PGD: variants seen among roughly 807,000 people sequenced by gnomAD.
PGD encodes phosphogluconate dehydrogenase, also known as 6-phosphogluconate dehydrogenase, decarboxylating.
A neutral mutation model predicts 60.4 loss-of-function variants in PGD; 21 were observed. The observed-to-expected ratio is 0.35, with a 90% CI of 0.25 to 0.50. The LOEUF (loss-of-function observed/expected upper bound fraction) is 0.50, where lower values mean the gene tolerates loss of function less well. Ranked by LOEUF, PGD falls within the 20% of genes least tolerant of loss-of-function variation. PGD has a pLI of 0.98. For synonymous variants in PGD, 230 were observed against 235.9 expected (o/e 0.97, Z 0.23); for missense variants, 477 against 613.1 (o/e 0.78, Z 2.34).
intron 5 of PGD, among the ~76,000 whole-genome samples, chr1:10,407,213 T>C (rs1639423510): frequency 6.6e-6 from 1 of 152,170 alleles, no homozygotes; most frequent in South Asian, 2.1e-4. Flanking sequence ...TTTGGGAAGC[T>C]GAGGTGTGAG....
chr1:10,400,365 C>T (rs1014125984), intron 2 of PGD, 28 bp from the exon 3 acceptor site: 2 of 1,539,296 alleles, frequency 1.3e-6, no homozygotes, highest in African/African-American at 2.7e-5. Context: ...TGTCCTGGAT[C>T]TCCTACTCAG....
At chr1:10,411,025 C>T (rs58086360) in intron 6 of PGD, among the ~76,000 whole-genome samples, 165 of 151,954 alleles carry the variant, frequency 1.1e-3, no homozygotes, top group African/African-American at 3.9e-3. Flanking sequence ...TATATTTTAA[C>T]CTCTAGTTGC....
At chr1:10,419,174 A>T (rs1159484890) in intron 11 of PGD, among the ~76,000 whole-genome samples, 1 of 138,286 alleles carries the variant, frequency 7.2e-6, no homozygotes, top group Non-Finnish European at 1.6e-5. Context: ...TACCTGGCTA[A>T]TTTTTTTTTT....
chr1:10,414,417 C>G (rs1639559255), intron 8 of PGD, among the ~76,000 whole-genome samples: 1 of 152,048 alleles, frequency 6.6e-6, no homozygotes, highest in Non-Finnish European at 1.5e-5. Flanking sequence ...CTCTGTCACC[C>G]AGGCTGGAGT....
chr1:10,419,344 T>C, intron 11 of PGD, 73 bp from the exon 12 acceptor site: 1 of 1,554,402 alleles, frequency 6.4e-7, no homozygotes, highest in Non-Finnish European at 8.7e-7. Flanking sequence ...TTTACCCACA[T>C]TGATATGAAT....
At chr1:10,407,641 C>T (rs536467178) in intron 5 of PGD, among the ~76,000 whole-genome samples, 2 of 152,178 alleles carry the variant, frequency 1.3e-5, no homozygotes, top group South Asian at 4.2e-4. Context: ...CTTCCACCTC[C>T]CATTAGAAAG....
In PGD at chr1:10,404,335, C is replaced by G. The variant is rs534972285; in HGVS notation, c.449+56C>G. On this transcript the variant is annotated intron_variant, in intron 5 of 12. Transcript: ENST00000270776. ...GTACAAGGGAGCTGGACTTTGAGAA[C>G]GAATAAGCCAGGAGCAGTTCTGCCA... The G allele has an allele frequency of 2.6e-6, 3 of 1,135,866 alleles. No individual in the cohort carries two copies. In the East Asian group the frequency reaches 7.8e-5, roughly 30 times the overall value. 70.4% of individuals were successfully genotyped at this position (1,135,866 alleles called of 1,614,324 possible).
At chr1:10,413,884 G>A (rs1639547571) in intron 8 of PGD, among the ~76,000 whole-genome samples, 1 of 150,122 alleles carries the variant, frequency 6.7e-6, no homozygotes, top group African/African-American at 2.5e-5. Context: ...CAGCCTGGGT[G>A]ACAGAGCGAG....
chr1:10,402,597 A>G (rs1439598430), intron 3 of PGD, among the ~76,000 whole-genome samples: 1 of 150,982 alleles, frequency 6.6e-6, no homozygotes. Context: ...ATCTCAGCTC[A>G]CTGCAAGCTC....
chr1:10,418,074 C>A lies in PGD; in HGVS notation c.1109+565C>A, dbSNP rs1639626300. Among the ~76,000 whole-genome samples, 4 of 134,130 alleles carry A rather than the reference C, an allele frequency of 3.0e-5. No homozygotes were observed. The Admixed American group carries it at 3.1e-4, about 10-fold the overall frequency. 88.0% of individuals were successfully genotyped at this position (134,130 alleles called of 152,430 possible). A position where few individuals can be genotyped will look rare whatever the true frequency, so the allele number is the denominator to read the frequency against. On this transcript the variant is annotated intron_variant, in intron 10 of 12. Coordinates refer to ENST00000270776, the MANE Select transcript of PGD (RefSeq NM_002631.4). ...TTCTGTGAACTATCGTGCCCTCTGGCCTTGCCTCTTGGGAATTTTGCTCTG... is the reference window on the plus strand; with the variant it reads ...TTCTGTGAACTATCGTGCCCTCTGGACTTGCCTCTTGGGAATTTTGCTCTG...
In PGD at chr1:10,419,949, C is replaced by T; in HGVS notation, c.*200C>T. On this transcript the variant is annotated 3_prime_UTR_variant, in exon 13 of 13. Transcript: ENST00000270776. ...TGCCCTCTGCCCTTGCCTCTTGGGA[C>T]TGACCAGGAGCTGCTCATGTGCGTG... 3.3e-6 allele frequency: 2 copies of T among 601,808 alleles called. No homozygotes were observed. The highest frequency in any genetic ancestry group is 2.9e-6 in the Non-Finnish European group (1 of 346,574). The allele number at this position is 601,808 out of a possible 1,614,324, so 37.3% of individuals were successfully genotyped here.
intron 4 of PGD, among the ~76,000 whole-genome samples, chr1:10,403,877 G>A (rs1388563682): frequency 1.3e-5 from 2 of 152,142 alleles, no homozygotes; most frequent in Non-Finnish European, 2.9e-5. Flanking sequence ...CCAGTAAAAT[G>A]CCAATGTGTG....
Position 10,419,728 on chromosome 1 carries a change from A to G in PGD, c.1431A>G (p.Ser477=), listed in dbSNP as rs146093154. 312 of 1,614,218 alleles carry G rather than the reference A, an allele frequency of 1.9e-4. 1 individual carries two copies. In the South Asian group the frequency reaches 2.5e-3, roughly 13 times the overall value. ...GGACAGGCCATGGTGGCACCGTGTCATCCTCGTCATACAATGCCTGATCAT... is the reference window on the plus strand; with the variant it reads ...GGACAGGCCATGGTGGCACCGTGTCGTCCTCGTCATACAATGCCTGATCAT... ...TNWTGHGGTV[S]SSSYNA The change falls in exon 13 of 13, where the codon TCA becomes TCG. Residue 477 remains serine, a synonymous_variant. Transcript: ENST00000270776.
chr1:10,417,550 C>G (rs760690055), intron 10 of PGD, 41 bp downstream of exon 10: 2 of 1,573,900 alleles, frequency 1.3e-6, no homozygotes, highest in East Asian at 4.5e-5. Flanking sequence ...GAAGGACTCA[C>G]ACGGCTGTGC....
At position 10,400,239 on chromosome 1, in the gene PGD, T is replaced by C. The variant is rs1569965548; in HGVS notation, c.85-154T>C. On this transcript the variant is annotated intron_variant, in intron 2 of 12. Coordinates refer to ENST00000270776, the MANE Select transcript of PGD (RefSeq NM_002631.4). ...TCATCCTACTGAGGTGACATAACTT[T>C]ACAGTGAGCCTCCCACAGCTGGGGG... 1.5e-5 allele frequency: 9 copies of C among 602,966 alleles called. No individual in the cohort carries two copies. The East Asian group carries it at 1.7e-4, about 11-fold the overall frequency. The allele number at this position is 602,966 out of a possible 1,614,324, so 37.4% of individuals were successfully genotyped here.
chr1:10,413,553 T>C (rs1639542933), intron 8 of PGD, among the ~76,000 whole-genome samples: 1 of 152,200 alleles, frequency 6.6e-6, no homozygotes, highest in Non-Finnish European at 1.5e-5. Flanking sequence ...TTGTAGTCAG[T>C]GATCTAAGAT....
intron 5 of PGD, among the ~76,000 whole-genome samples, chr1:10,405,381 AAAACAAAAC>A (rs1212575862): frequency 7.4e-6 from 1 of 134,834 alleles, no homozygotes; most frequent in East Asian, 2.3e-4. Flanking sequence ...AAAACAAAAC[AAAACAAAAC>A]AAACAAAAAA....
At position 10,406,964 on chromosome 1, in the gene PGD, A is replaced by C. The variant is rs17034854; in HGVS notation, c.450-1107A>C. ...GAAAAAATTAAAAGAGGATCTCTAA[A>C]GGAACTTTCGTATTGCCTGCTGTTT... On this transcript the variant is annotated intron_variant, in intron 5 of 12. Transcript: ENST00000270776. Among the ~76,000 whole-genome samples, 641 of 152,372 alleles carry C rather than the reference A, an allele frequency of 4.2e-3. 5 individuals carry two copies. Among genetic ancestry groups the C allele is most frequent in the Middle Eastern group, 0.037 (11 of 294 alleles).
At chr1:10,399,373 G>A in intron 1 of PGD, 1 of 524,418 alleles carries the variant, frequency 1.9e-6, no homozygotes, top group Non-Finnish European at 3.3e-6. Flanking sequence ...GGGAGGAGGC[G>A]CGGCCAGGCC....
Sources: allele counts gnomAD v4.1 joint callset (sites outside exome capture counted in the v4.1 genomes callset), GRCh38; gene constraint gnomAD v4.1.1; transcripts MANE v1.5; gene names NCBI Gene and HGNC (gene_info 2026-07-23, HGNC 2026-07-21).